Variants in SLC25A12 observed in about 807,000 individuals in gnomAD.
SLC25A12 encodes solute carrier family 25 member 12.
Under a neutral mutation model 83.3 loss-of-function variants are expected in SLC25A12, and 32 were observed. That is an observed-to-expected ratio of 0.38 (90% CI 0.29 to 0.52). The LOEUF (loss-of-function observed/expected upper bound fraction) is 0.52, where lower values mean the gene tolerates loss of function less well. Ranked by LOEUF, SLC25A12 falls within the 20% of genes least tolerant of loss-of-function variation. The probability of loss-of-function intolerance (pLI) is 0.84; values close to 1 mark genes in which losing one functional copy is unlikely to be tolerated. For synonymous variants in SLC25A12, 267 were observed against 291.1 expected (o/e 0.92, Z 0.84); for missense variants, 611 against 835.6 (o/e 0.73, Z 3.31).
At position 171,854,344 on chromosome 2, in the gene SLC25A12, G is replaced by A. The variant is rs535801075; in HGVS notation, c.325+1490C>T. On this transcript the variant is annotated intron_variant, in intron 4 of 17. Coordinates refer to ENST00000422440, the MANE Select transcript of SLC25A12 (RefSeq NM_003705.5). ...AGCACTTTGGGAGGCCGAGACAGAC[G>A]GATCATGAGGTCAACTGTTCGAGAC... is the stretch of plus-strand genomic sequence containing the variant. 4.6e-5 allele frequency among the ~76,000 whole-genome samples: 7 copies of A among 152,174 alleles called. No homozygotes were observed. In the South Asian group the frequency reaches 6.2e-4, roughly 14 times the overall value.
intron 10 of SLC25A12, 33 bp downstream of exon 10, chr2:171,815,088 A>G (rs1165051792): frequency 3.2e-6 from 5 of 1,553,048 alleles, no homozygotes; most frequent in Non-Finnish European, 4.4e-6. Flanking sequence ...ACATTAACAC[A>G]AGCCTCAAAC....
intron 11 of SLC25A12, 34 bp from the exon 12 acceptor site, chr2:171,810,310 C>A (rs778044787): frequency 6.5e-7 from 1 of 1,544,166 alleles, no homozygotes; most frequent in South Asian, 1.1e-5. Flanking sequence ...AGCAATATAG[C>A]TGTACCAGAC....
At chr2:171,842,852 C>T (rs912382510) in intron 5 of SLC25A12, among the ~76,000 whole-genome samples, 3 of 152,084 alleles carry the variant, frequency 2.0e-5, no homozygotes, top group South Asian at 2.1e-4. Flanking sequence ...GATGGAGTCT[C>T]GCTCTGTCAC....
intron 2 of SLC25A12, among the ~76,000 whole-genome samples, chr2:171,877,339 A>C (rs1294662300): frequency 6.6e-6 from 1 of 152,154 alleles, no homozygotes; most frequent in Non-Finnish European, 1.5e-5. Flanking sequence ...ACTCCTTTGC[A>C]ATTTACCAAA....
At position 171,819,130 on chromosome 2, in the gene SLC25A12, C is replaced by T. The variant is rs1405978500; in HGVS notation, c.931-3928G>A. On this transcript the variant is annotated intron_variant, in intron 9 of 17. Transcript: ENST00000422440. ...TAAAATATATATATAATATATAATA[C>T]ATATTATATATAAATATAAAATATA... Among the ~76,000 whole-genome samples, 3 of 132,564 alleles carry T rather than the reference C, an allele frequency of 2.3e-5. No homozygotes were observed. The East Asian group carries it at 6.3e-4, about 28-fold the overall frequency. 87.0% of individuals were successfully genotyped at this position (132,564 alleles called of 152,430 possible).
intron 3 of SLC25A12, among the ~76,000 whole-genome samples, chr2:171,857,910 TCAAAACAAAA>T (rs1033988487): frequency 2.0e-5 from 3 of 151,926 alleles, no homozygotes; most frequent in African/African-American, 7.3e-5. Flanking sequence ...GAGACCCATT[TCAAAACAAAA>T]CAAAACAAAA....
At chr2:171,800,040 A>G (rs1683677589) in intron 13 of SLC25A12, among the ~76,000 whole-genome samples, 1 of 152,222 alleles carries the variant, frequency 6.6e-6, no homozygotes, top group Non-Finnish European at 1.5e-5. Flanking sequence ...AGGTTAGTCC[A>G]TTTAGATTTT....
At chr2:171,840,410 C>T (rs1465818904) in intron 5 of SLC25A12, among the ~76,000 whole-genome samples, 2 of 150,458 alleles carry the variant, frequency 1.3e-5, no homozygotes, top group African/African-American at 4.9e-5. Context: ...AAAAGAAAAA[C>T]AGAGACCCAA....
At position 171,785,469 on chromosome 2, in the gene SLC25A12, G is replaced by A. The variant is rs551188942; in HGVS notation, c.1842C>T (p.Pro614=). The A allele has an allele frequency of 2.1e-5, 34 of 1,613,950 alleles. No individual in the cohort carries two copies. Among genetic ancestry groups the A allele is most frequent in the South Asian group, 2.0e-4 (18 of 91,066 alleles). Residue 614 remains proline (P), a synonymous_variant, in exon 18 of 18, where the codon CCC becomes CCT. Coordinates refer to ENST00000422440, the MANE Select transcript of SLC25A12 (RefSeq NM_003705.5). ...ACTTAGGTGTTGGTTCTGAACCAGC[G>A]GGTTTGCTGTTGACAGAAAAAAAGC... ...WFYIDFGGLK[P]AGSEPTPKSR...
chr2:171,786,915 A>G (rs926150335), intron 17 of SLC25A12, among the ~76,000 whole-genome samples: 5 of 152,274 alleles, frequency 3.3e-5, no homozygotes, highest in Non-Finnish European at 7.3e-5. Flanking sequence ...AAAATGCACA[A>G]AAGTGTTACT....
At position 171,831,254 on chromosome 2, in the gene SLC25A12, T is replaced by A. The variant is rs1684424911; in HGVS notation, c.845+2709A>T. ...AACAGAAGGTGCCACAGACCCCATT[T>A]TAGGAGAAACCCCTGTTTTCCTCAT... On this transcript the variant is annotated intron_variant, in intron 8 of 17. Coordinates refer to ENST00000422440, the MANE Select transcript of SLC25A12 (RefSeq NM_003705.5). Among the ~76,000 whole-genome samples the A allele has an allele frequency of 2.6e-5, 4 of 152,176 alleles. 1 individual carries two copies. The highest frequency in any genetic ancestry group is 2.6e-4 in the Admixed American group (4 of 15,276).
At position 171,842,777 on chromosome 2, in the gene SLC25A12, A is replaced by G. The variant is rs563503559; in HGVS notation, c.465+1592T>C. On this transcript the variant is annotated intron_variant, in intron 5 of 17. Coordinates refer to ENST00000422440, the MANE Select transcript of SLC25A12 (RefSeq NM_003705.5). Reference sequence around the variant, plus strand: ...TGATAAAAATGTTTTGGAACTAGATATAAGACACTGTGAACGTACTAAATG... The same window carrying G: ...TGATAAAAATGTTTTGGAACTAGATGTAAGACACTGTGAACGTACTAAATG... Among the ~76,000 whole-genome samples, 12 of 152,300 alleles carry G rather than the reference A, an allele frequency of 7.9e-5. No homozygotes were observed. The South Asian group carries it at 1.0e-3, about 13-fold the overall frequency.
rs370624091 is a variant in SLC25A12 at position 171,855,823 on chromosome 2, T to A, written c.325+11A>T. On this transcript the variant is annotated intron_variant, in intron 4 of 17. Transcript: ENST00000422440. ...ATTAACTTATCACTTATAATCTTCT[T>A]TTTCCCTTACCAAATGTCACCTCTC... is the stretch of plus-strand genomic sequence containing the variant. 182 of 1,484,986 alleles carry A rather than the reference T, an allele frequency of 1.2e-4. No homozygotes were observed. In the African/African-American group the frequency reaches 2.4e-3, roughly 19 times the overall value. 92.0% of individuals were successfully genotyped at this position (1,484,986 alleles called of 1,614,324 possible). A position where few individuals can be genotyped will look rare whatever the true frequency, so the allele number is the denominator to read the frequency against.
intron 3 of SLC25A12, among the ~76,000 whole-genome samples, chr2:171,866,881 C>G (rs1471070720): frequency 6.9e-6 from 1 of 144,932 alleles, no homozygotes; most frequent in Admixed American, 6.8e-5. Flanking sequence ...CCAGACGGGG[C>G]GGCTGCCGGG....
chr2:171,796,868 T>G (rs1683607526), intron 13 of SLC25A12, among the ~76,000 whole-genome samples: 1 of 152,220 alleles, frequency 6.6e-6, no homozygotes, highest in Non-Finnish European at 1.5e-5. Context: ...TTTTTCGGAT[T>G]CTGAGGTTGA....
chr2:171,843,518 A>C (rs1684725706), intron 5 of SLC25A12, among the ~76,000 whole-genome samples: 1 of 152,098 alleles, frequency 6.6e-6, no homozygotes, highest in African/African-American at 2.4e-5. Context: ...CTGTAATCCC[A>C]GCTAGTTGAG....
intron 13 of SLC25A12, among the ~76,000 whole-genome samples, chr2:171,808,211 ACTTT>A (rs1174356834): frequency 0.014 from 2,147 of 152,272 alleles, 1,027 homozygotes; most frequent in Middle Eastern, 0.031. Flanking sequence ...TCATGCTTAC[ACTTT>A]AAAGACAGAA....
chr2:171,873,553 T>C (rs1278023463), intron 2 of SLC25A12, among the ~76,000 whole-genome samples: 1 of 152,132 alleles, frequency 6.6e-6, no homozygotes, highest in East Asian at 1.9e-4. Flanking sequence ...TTGCTAATGG[T>C]TTTTTATTAT....
intron 15 of SLC25A12, chr2:171,788,778 G>A (rs1007329585): frequency 6.6e-6 from 1 of 152,276 alleles, no homozygotes; most frequent in Non-Finnish European, 1.5e-5. Flanking sequence ...ACGAGGTTCT[G>A]CTAGGGAATA....
Sources: allele counts gnomAD v4.1 joint callset (sites outside exome capture counted in the v4.1 genomes callset), GRCh38; gene constraint gnomAD v4.1.1; transcripts MANE v1.5; gene names NCBI Gene and HGNC (gene_info 2026-07-23, HGNC 2026-07-21).